Variants in NAALADL2 observed in about 807,000 individuals in gnomAD.
NAALADL2 encodes the protein N-acetylated alpha-linked acidic dipeptidase like 2, also known as inactive N-acetylated-alpha-linked acidic dipeptidase-like protein 2.
Under a neutral mutation model 87.2 loss-of-function variants are expected in NAALADL2, and 76 were observed. The observed-to-expected ratio is 0.87, with a 90% CI of 0.72 to 1.05. The LOEUF is 1.05. Among genes scored for constraint, NAALADL2 ranks in the 50% least tolerant of loss-of-function variants. NAALADL2 has a pLI of 0.00. For missense variants in NAALADL2, 1,089 were observed against 945.8 expected, an observed-to-expected ratio of 1.15 and a Z score of -1.99; for synonymous variants, 354 against 331.0, an observed-to-expected ratio of 1.07 and a Z score of -0.75.
chr3:175,178,045 G>A (rs1735945014), intron 2 of NAALADL2, among the ~76,000 whole-genome samples: 1 of 152,012 alleles, frequency 6.6e-6, no homozygotes, highest in Non-Finnish European at 1.5e-5. Flanking sequence ...CATTCAATCA[G>A]TGTTCTCACT....
chr3:175,501,042 A>G (rs1729475730), intron 9 of NAALADL2, among the ~76,000 whole-genome samples: 1 of 152,078 alleles, frequency 6.6e-6, no homozygotes. Flanking sequence ...ACTCTAGATG[A>G]CAGATGAAGT....
At chr3:175,469,802 G>A (rs1482029807) in intron 8 of NAALADL2, among the ~76,000 whole-genome samples, 1 of 151,880 alleles carries the variant, frequency 6.6e-6, no homozygotes, top group Non-Finnish European at 1.5e-5. Context: ...ATCTTATGAG[G>A]GTCTCATGAG....
chr3:175,150,905 G>A (rs1306604926), intron 2 of NAALADL2, among the ~76,000 whole-genome samples: 1 of 152,148 alleles, frequency 6.6e-6, no homozygotes, highest in Non-Finnish European at 1.5e-5. Flanking sequence ...TAGGACTTAT[G>A]AATTCAAATG....
At chr3:174,634,290 T>A (rs1224465666) in intron 2 of NAALADL2, among the ~76,000 whole-genome samples, 1 of 152,168 alleles carries the variant, frequency 6.6e-6, no homozygotes, top group African/African-American at 2.4e-5. Context: ...ACTTGAAGGC[T>A]ATATATTAAG....
intron 2 of NAALADL2, among the ~76,000 whole-genome samples, chr3:175,141,758 A>G (rs1730026027): frequency 6.6e-6 from 1 of 152,064 alleles, no homozygotes. Context: ...CTTACCAAAC[A>G]AACTAATTTT....
chr3:175,163,693 A>G (rs563801025), intron 2 of NAALADL2, among the ~76,000 whole-genome samples: 7 of 152,198 alleles, frequency 4.6e-5, no homozygotes, highest in South Asian at 4.1e-4. Flanking sequence ...TTCCTATTCT[A>G]TTGTAAATTG....
chr3:175,032,592 T>C lies in NAALADL2; in HGVS notation c.44-64198T>C, dbSNP rs569724256. On this transcript the variant is annotated intron_variant, in intron 1 of 13. Coordinates refer to ENST00000454872, the MANE Select transcript of NAALADL2 (RefSeq NM_207015.3). ...GCCATCCAACAGCCAGCCTTTTTTT[T>C]ATGCTGTGCCTTTGCCTTTACCTGG... Among the ~76,000 whole-genome samples the C allele has an allele frequency of 2.0e-5, 3 of 152,206 alleles. No homozygotes were observed. The South Asian group carries it at 6.2e-4, about 31-fold the overall frequency.
At chr3:175,022,818 CATCTTAAATG>C (rs1751732687) in intron 1 of NAALADL2, among the ~76,000 whole-genome samples, 1 of 151,270 alleles carries the variant, frequency 6.6e-6, no homozygotes, top group African/African-American at 2.4e-5. Flanking sequence ...CCACCTGCAT[CATCTTAAATG>C]ATTAATTCAT....
At chr3:175,105,068 G>A (rs1348723661) in intron 2 of NAALADL2, among the ~76,000 whole-genome samples, 1 of 152,104 alleles carries the variant, frequency 6.6e-6, no homozygotes. Flanking sequence ...GCCTTTGACT[G>A]CAATAACTTT....
rs1012257404 is a variant in NAALADL2, at chr3:174,474,417, A to G, written c.-184+33385A>G. Among the ~76,000 whole-genome samples the G allele has an allele frequency of 7.2e-5, 11 of 152,294 alleles. No individual in the cohort carries two copies. In the South Asian group the frequency reaches 8.3e-4, roughly 11 times the overall value. ...TCATAATAGAGATGAGAGTTTTTCA[A>G]TGAAGAACTAAGTATGTGTTAGTTA... is the stretch of plus-strand genomic sequence containing the variant. On this transcript the variant is annotated intron_variant, in intron 1 of 3. Coordinates refer to the NAALADL2 transcript ENST00000434257.
chr3:175,374,553 G>GAAAAAAAA (rs765485400), intron 5 of NAALADL2, among the ~76,000 whole-genome samples: 6 of 45,408 alleles, frequency 1.3e-4, no homozygotes, highest in Non-Finnish European at 2.1e-4. Flanking sequence ...TGCATCTCCA[G>GAAAAAAAA]AAAAAAAAAA....
At chr3:174,696,452 A>G (rs1729017452) in intron 2 of NAALADL2, among the ~76,000 whole-genome samples, 2 of 151,874 alleles carry the variant, frequency 1.3e-5, no homozygotes, top group Admixed American at 1.3e-4. Context: ...TGTTTAAGTA[A>G]TTATCAGTTT....
intron 2 of NAALADL2, among the ~76,000 whole-genome samples, chr3:174,610,315 G>T (rs1719680367): frequency 6.6e-6 from 1 of 151,902 alleles, no homozygotes; most frequent in Non-Finnish European, 1.5e-5. Context: ...ATTGACAAAT[G>T]GGATCTAATT....
At chr3:175,773,502 G>A (rs923522861) in intron 13 of NAALADL2, 2 of 152,068 alleles carry the variant, frequency 1.3e-5, no homozygotes, top group Admixed American at 6.6e-5. Flanking sequence ...GCCCTTCCAA[G>A]TGCTATTTAA....
At chr3:175,659,600 C>T (rs1176656951) in intron 11 of NAALADL2, among the ~76,000 whole-genome samples, 1 of 152,002 alleles carries the variant, frequency 6.6e-6, no homozygotes, top group Non-Finnish European at 1.5e-5. Flanking sequence ...CAATATTTTG[C>T]AATTTTAAAA....
intron 5 of NAALADL2, among the ~76,000 whole-genome samples, chr3:175,428,686 C>T (rs1325074537): frequency 6.6e-6 from 1 of 152,048 alleles, no homozygotes; most frequent in Admixed American, 6.6e-5. Flanking sequence ...CCACCATGAG[C>T]AAAGCCAACT....
intron 2 of NAALADL2, among the ~76,000 whole-genome samples, chr3:174,659,852 A>G (rs761400215): frequency 1.3e-5 from 2 of 152,012 alleles, no homozygotes; most frequent in African/African-American, 2.4e-5. Context: ...TCTAAGACCC[A>G]GAAGCTTCCC....
intron 1 of NAALADL2, among the ~76,000 whole-genome samples, chr3:175,063,628 C>A (rs1713982547): frequency 6.6e-6 from 1 of 151,962 alleles, no homozygotes; most frequent in African/African-American, 2.4e-5. Flanking sequence ...AGGAATGTGC[C>A]ACTATGTCCC....
At chr3:174,763,341 C>T (rs1713299624) in intron 3 of NAALADL2, among the ~76,000 whole-genome samples, 1 of 151,862 alleles carries the variant, frequency 6.6e-6, no homozygotes, top group East Asian at 1.9e-4. Context: ...GTAATCCCAG[C>T]ACTTTGGGAG....
Sources: gnomAD v4.1 joint callset for allele counts (sites outside exome capture counted in the v4.1 genomes callset) on GRCh38, gnomAD v4.1.1 for gene constraint, MANE v1.5 for transcripts, NCBI Gene and HGNC (gene_info 2026-07-23, HGNC 2026-07-21) for gene names.